Variants in PHACTR3 observed in about 807,000 individuals in gnomAD.
The protein encoded by PHACTR3 is protein phosphatase 1, regulatory subunit 123.
A neutral mutation model predicts 66.8 loss-of-function variants in PHACTR3; 16 were observed. The ratio of observed to expected loss-of-function variants is 0.24; its 90% CI spans 0.16 to 0.36. The LOEUF is 0.36. PHACTR3 is among the 10% of genes least tolerant of loss of function. The probability of loss-of-function intolerance (pLI) is 1.00; values close to 1 mark genes in which losing one functional copy is unlikely to be tolerated. For synonymous variants in PHACTR3, 323 were observed against 292.1 expected (o/e 1.11, Z -1.08); for missense variants, 647 against 719.9 (o/e 0.90, Z 1.16).
In PHACTR3 at chr20:59,773,456, G is replaced by A. The variant is rs748272599; in HGVS notation, c.926+3G>A. ...GCCACGAAGCACCGCCAGGACAGGT[G>A]AGGCCCTGCCCCATGAGGGAGACCT... On this transcript the variant is annotated splice_donor_region_variant and intron_variant, in intron 6 of 12. Transcript: ENST00000371015. 17 of 1,603,022 alleles carry A rather than the reference G, an allele frequency of 1.1e-5. No individual in the cohort carries two copies. The East Asian group carries it at 3.4e-4, about 32-fold the overall frequency.
At chr20:59,655,236 T>C (rs956394355) in intron 1 of PHACTR3, among the ~76,000 whole-genome samples, 1 of 152,098 alleles carries the variant, frequency 6.6e-6, no homozygotes, top group Non-Finnish European at 1.5e-5. Context: ...CAGGCTGATA[T>C]GAAATGGTAT....
At chr20:59,833,090 G>C (rs551894868) in intron 8 of PHACTR3, among the ~76,000 whole-genome samples, 146 of 152,294 alleles carry the variant, frequency 9.6e-4, no homozygotes, top group Non-Finnish European at 1.5e-3. Context: ...TGTAAGTAGA[G>C]AGGCAGGTTG....
intron 1 of PHACTR3, among the ~76,000 whole-genome samples, chr20:59,666,439 G>T (rs970794039): frequency 6.6e-6 from 1 of 152,214 alleles, no homozygotes; most frequent in East Asian, 1.9e-4. Context: ...CAGGGCCTGG[G>T]GCCACCATTC....
intron 1 of PHACTR3, among the ~76,000 whole-genome samples, chr20:59,635,967 C>T (rs571064907): frequency 2.0e-5 from 3 of 152,284 alleles, no homozygotes; most frequent in East Asian, 3.9e-4. Context: ...AGAGTGGCCA[C>T]GAGGTCCTCC....
At chr20:59,743,372 G>GA in intron 2 of PHACTR3, 104 bp downstream of exon 2, 2 of 1,397,168 alleles carry the variant, frequency 1.4e-6, no homozygotes, top group Non-Finnish European at 2.0e-6. Context: ...CCCTACACAG[G>GA]AGGGGCAGAT....
intron 8 of PHACTR3, among the ~76,000 whole-genome samples, chr20:59,819,842 G>A (rs1057262354): frequency 6.6e-6 from 1 of 152,146 alleles, no homozygotes; most frequent in Non-Finnish European, 1.5e-5. Flanking sequence ...TGAGGCACCT[G>A]GTTGGGCCGG....
At chr20:59,729,661 C>T (rs188983787) in intron 1 of PHACTR3, among the ~76,000 whole-genome samples, 1 of 152,134 alleles carries the variant, frequency 6.6e-6, no homozygotes, top group Non-Finnish European at 1.5e-5. Context: ...GGGACTGGCT[C>T]TGTCACCTGC....
intron 1 of PHACTR3, among the ~76,000 whole-genome samples, chr20:59,742,668 CCTGT>C (rs1295807026): frequency 6.6e-6 from 1 of 152,104 alleles, no homozygotes; most frequent in Non-Finnish European, 1.5e-5. Context: ...AGGGAGTGAC[CCTGT>C]CTGGGACAAG....
chr20:59,668,870 T>TTTTTATTTTATTTTA (rs76833383), intron 1 of PHACTR3, among the ~76,000 whole-genome samples: 9,637 of 138,570 alleles, frequency 0.07, 409 homozygotes, highest in South Asian at 0.14. Context: ...ACAGCTAATT[T>TTTTTATTTTATTTTA]TTTTATTTTA....
At chr20:59,688,683 G>GT (rs542343705) in intron 1 of PHACTR3, among the ~76,000 whole-genome samples, 19 of 149,822 alleles carry the variant, frequency 1.3e-4, no homozygotes, top group East Asian at 5.9e-4. Context: ...TTTGTTTTTT[G>GT]TTTTTTTTTC....
upstream of PHACTR3, chr20:59,604,438 A>C: frequency 4.6e-6 from 1 of 219,396 alleles, no homozygotes; most frequent in Non-Finnish European, 7.7e-6. Context: ...CCCAGTGGCC[A>C]CGCGCCTTCT....
intron 1 of PHACTR3, among the ~76,000 whole-genome samples, chr20:59,618,249 A>T (rs2034105390): frequency 6.6e-6 from 1 of 152,130 alleles, no homozygotes; most frequent in Non-Finnish European, 1.5e-5. Flanking sequence ...TGGGAGCCAG[A>T]CGGTTGGGGC....
At chr20:59,653,900 A>G (rs910818081) in intron 1 of PHACTR3, among the ~76,000 whole-genome samples, 1 of 152,216 alleles carries the variant, frequency 6.6e-6, no homozygotes, top group African/African-American at 2.4e-5. Flanking sequence ...TTCTACACCC[A>G]GATTTTGTGT....
intron 1 of PHACTR3, among the ~76,000 whole-genome samples, chr20:59,589,221 C>T (rs964576326): frequency 6.6e-6 from 1 of 152,214 alleles, no homozygotes; most frequent in African/African-American, 2.4e-5. Flanking sequence ...TTTGGAAGAC[C>T]CTTGCACTAT....
At chr20:59,717,087 T>G (rs902288177) in intron 1 of PHACTR3, among the ~76,000 whole-genome samples, 12 of 152,244 alleles carry the variant, frequency 7.9e-5, no homozygotes, top group African/African-American at 2.9e-4. Context: ...TTTACTGCAT[T>G]AAGATTATTT....
At chr20:59,790,093 T>A (rs2041042414) in intron 7 of PHACTR3, among the ~76,000 whole-genome samples, 1 of 152,252 alleles carries the variant, frequency 6.6e-6, no homozygotes, top group Non-Finnish European at 1.5e-5. Flanking sequence ...CTTATGTTCT[T>A]ATTTATATAC....
intron 1 of PHACTR3, among the ~76,000 whole-genome samples, chr20:59,605,870 T>C (rs1045051298): frequency 3.3e-5 from 1 of 30,192 alleles, no homozygotes; most frequent in Non-Finnish European, 6.7e-5. Flanking sequence ...GGGGGGGGGG[T>C]GGGCTGTGTG....
In PHACTR3 at chr20:59,604,563, A is replaced by C. The variant is rs1024637207; in HGVS notation, c.-452A>C. 1.2e-6 allele frequency: 1 copy of C among 866,632 alleles called. No homozygotes were observed. The highest frequency in any genetic ancestry group is 1.4e-6 in the Non-Finnish European group (1 of 730,472). 53.7% of individuals were successfully genotyped at this position (866,632 alleles called of 1,614,324 possible). Reference sequence around the variant, plus strand: ...TCAGATTAAAGCAATTGCAAGAGCAAAGATTCTTCCTTTTCCCTTTTTTCC... The same window carrying C: ...TCAGATTAAAGCAATTGCAAGAGCACAGATTCTTCCTTTTCCCTTTTTTCC... On this transcript the variant is annotated 5_prime_UTR_variant, in exon 1 of 13. Coordinates refer to ENST00000371015, the MANE Select transcript of PHACTR3 (RefSeq NM_080672.5).
At chr20:59,682,360 C>CA (rs904343478) in intron 1 of PHACTR3, among the ~76,000 whole-genome samples, 3 of 150,942 alleles carry the variant, frequency 2.0e-5, no homozygotes, top group African/African-American at 2.4e-5. Context: ...ACAAACAAAA[C>CA]AAAAAAAAGG....
Sources: allele counts gnomAD v4.1 joint callset (sites outside exome capture counted in the v4.1 genomes callset), GRCh38; gene constraint gnomAD v4.1.1; transcripts MANE v1.5; gene names NCBI Gene and HGNC (gene_info 2026-07-23, HGNC 2026-07-21).